Variants in CTNNA2 observed in about 807,000 individuals in gnomAD.
The protein encoded by CTNNA2 is catenin alpha-2.
Under a neutral mutation model 101.0 loss-of-function variants are expected in CTNNA2, and 42 were observed. The observed-to-expected ratio is 0.42, with a 90% confidence interval of 0.32 to 0.54. The LOEUF (loss-of-function observed/expected upper bound fraction) is 0.54, where lower values mean the gene tolerates loss of function less well. Among genes scored for constraint, CTNNA2 ranks in the 20% least tolerant of loss-of-function variants. The pLI is 0.14. For synonymous variants in CTNNA2, 450 were observed against 456.4 expected (o/e 0.99, Z 0.18); for missense variants, 871 against 1,223.1 (o/e 0.71, Z 4.29).
At chr2:79,449,432 C>T (rs1678866168) in intron 4 of CTNNA2, among the ~76,000 whole-genome samples, 1 of 151,898 alleles carries the variant, frequency 6.6e-6, no homozygotes, top group South Asian at 2.1e-4. Flanking sequence ...ATGGGCTTAT[C>T]CTCTAGCATA....
chr2:80,406,826 C>CAA (rs56793591), intron 8 of CTNNA2, among the ~76,000 whole-genome samples: 90 of 63,652 alleles, frequency 1.4e-3, no homozygotes, highest in Middle Eastern at 9.8e-3. Flanking sequence ...GACTCCATCT[C>CAA]AAAAAAAAAA....
Position 79,651,649 on chromosome 2 carries a change from T to C in CTNNA2, c.93T>C (p.Leu31=), listed in dbSNP as rs752438244. 12 of 1,613,632 alleles carry C rather than the reference T, an allele frequency of 7.4e-6. No homozygotes were observed. The South Asian group carries it at 1.3e-4, about 18-fold the overall frequency. ...CAGTGGAAAGGCTGTTGGAGCCACTTGTTACACAGGTAAGGGATGCTTTGA... is the reference window on the plus strand; with the variant it reads ...CAGTGGAAAGGCTGTTGGAGCCACTCGTTACACAGGTAAGGGATGCTTTGA... ...TLTVERLLEP[L]VTQVTTLVNT... is the part of the protein sequence containing the mutation. Residue 31 remains leucine, a synonymous_variant, in exon 2 of 19, where the codon CTT becomes CTC. Transcript: ENST00000402739.
chr2:80,442,414 C>T (rs561948128), intron 9 of CTNNA2, among the ~76,000 whole-genome samples: 1 of 152,340 alleles, frequency 6.6e-6, no homozygotes, highest in South Asian at 2.1e-4. Flanking sequence ...AAACTGATTA[C>T]TCCAAACCAG....
intron 3 of CTNNA2, among the ~76,000 whole-genome samples, chr2:79,817,196 C>G (rs995612441): frequency 2.0e-5 from 3 of 152,014 alleles, no homozygotes; most frequent in African/African-American, 7.2e-5. Context: ...CTACCACAAC[C>G]TCACAACAGT....
intron 7 of CTNNA2, among the ~76,000 whole-genome samples, chr2:80,336,166 G>A (rs1157779962): frequency 6.6e-6 from 1 of 152,174 alleles, no homozygotes; most frequent in Admixed American, 6.5e-5. Context: ...GGAAGTCCAA[G>A]ATTAGGGCTC....
chr2:79,946,747 T>C (rs558352218), intron 7 of CTNNA2, among the ~76,000 whole-genome samples: 134 of 152,290 alleles, frequency 8.8e-4, no homozygotes, highest in Non-Finnish European at 1.6e-3. Context: ...TTTGTTACTT[T>C]CAGTAAGAGG....
intron 2 of CTNNA2, among the ~76,000 whole-genome samples, chr2:79,309,776 G>C (rs1184882057): frequency 6.6e-6 from 1 of 152,076 alleles, no homozygotes; most frequent in Non-Finnish European, 1.5e-5. Flanking sequence ...TTGATTTTTA[G>C]TTTGGTCTGC....
At chr2:79,990,777 A>G (rs1361517731) in intron 7 of CTNNA2, among the ~76,000 whole-genome samples, 1 of 152,102 alleles carries the variant, frequency 6.6e-6, no homozygotes, top group African/African-American at 2.4e-5. Flanking sequence ...TGGTATCAGG[A>G]TGATGCTGGC....
At chr2:80,287,223 A>T (rs148144064) in intron 7 of CTNNA2, among the ~76,000 whole-genome samples, 36 of 152,270 alleles carry the variant, frequency 2.4e-4, no homozygotes, top group Admixed American at 4.6e-4. Flanking sequence ...AAAGGAGAGG[A>T]CAGGGAAGGC....
At chr2:80,134,805 G>T (rs1360624544) in intron 7 of CTNNA2, among the ~76,000 whole-genome samples, 1 of 152,116 alleles carries the variant, frequency 6.6e-6, no homozygotes, top group East Asian at 1.9e-4. Flanking sequence ...ATTGTACAAA[G>T]AAATTAATTA....
intron 4 of CTNNA2, among the ~76,000 whole-genome samples, chr2:79,383,497 G>A (rs1272998427): frequency 6.6e-6 from 1 of 152,098 alleles, no homozygotes; most frequent in African/African-American, 2.4e-5. Context: ...GCTGTTAGAG[G>A]GCTTTGGTGG....
intron 7 of CTNNA2, among the ~76,000 whole-genome samples, chr2:80,212,431 C>T (rs1186079186): frequency 1.4e-5 from 2 of 147,624 alleles, no homozygotes; most frequent in African/African-American, 5.3e-5. Flanking sequence ...GCATGAAGGG[C>T]TGTTGAATTT....
chr2:80,637,906 C>T (rs1167331966), intron 18 of CTNNA2, among the ~76,000 whole-genome samples: 1 of 152,114 alleles, frequency 6.6e-6, no homozygotes, highest in Non-Finnish European at 1.5e-5. Flanking sequence ...GGGTAGGAGC[C>T]ATTTTGCAAG....
At chr2:80,218,460 C>A (rs556635185) in intron 7 of CTNNA2, among the ~76,000 whole-genome samples, 1 of 152,136 alleles carries the variant, frequency 6.6e-6, no homozygotes, top group Non-Finnish European at 1.5e-5. Context: ...GGCAGACATC[C>A]GATTATTGAC....
At chr2:80,304,976 A>C in intron 7 of CTNNA2, 5 of 764,358 alleles carry the variant, frequency 6.5e-6, no homozygotes, top group South Asian at 6.0e-5. Flanking sequence ...ATCCACGACA[A>C]GATATTTCCA....
chr2:79,530,516 C>T (rs1009928404), intron 1 of CTNNA2, among the ~76,000 whole-genome samples: 2 of 151,870 alleles, frequency 1.3e-5, no homozygotes, highest in African/African-American at 2.4e-5. Context: ...TCCTTAACTC[C>T]TTTTAAGTTG....
At chr2:79,769,291 A>G (rs1558913739) in intron 3 of CTNNA2, among the ~76,000 whole-genome samples, 2 of 152,122 alleles carry the variant, frequency 1.3e-5, no homozygotes, top group East Asian at 3.9e-4. Context: ...TTGAGGGCAT[A>G]TTTGATCTTG....
At chr2:80,043,073 TTCTTTCTTTCTTTCTTTCTTTC>T (rs1261257840) in intron 7 of CTNNA2, among the ~76,000 whole-genome samples, 2 of 58,510 alleles carry the variant, frequency 3.4e-5, no homozygotes, top group African/African-American at 7.7e-5. Flanking sequence ...CTTTCTTTCT[TTCTTTCTTTCTTTCTTTCTTTC>T]TCTCTCTCTC....
At chr2:79,694,946 G>A (rs1255437162) in intron 2 of CTNNA2, among the ~76,000 whole-genome samples, 2 of 151,482 alleles carry the variant, frequency 1.3e-5, no homozygotes, top group Admixed American at 6.6e-5. Context: ...TGTTGTTACA[G>A]GAAAATTACC....
Sources: gnomAD v4.1 joint callset for allele counts (sites outside exome capture counted in the v4.1 genomes callset) on GRCh38, gnomAD v4.1.1 for gene constraint, MANE v1.5 for transcripts, NCBI Gene and HGNC (gene_info 2026-07-23, HGNC 2026-07-21) for gene names.